The following DNAH17 variants were observed in gnomAD, a reference collection of about 807,000 sequenced individuals.
DNAH17 encodes the protein dynein axonemal heavy chain 17, also known as axonemal beta dynein heavy chain 17.
A neutral mutation model predicts 485.6 loss-of-function variants in DNAH17; 376 were observed. The ratio of observed to expected loss-of-function variants is 0.77; its 90% CI spans 0.71 to 0.84. The LOEUF is 0.84. DNAH17 is among the 40% of genes least tolerant of loss of function. DNAH17 has a pLI of 0.00. For missense variants in DNAH17, 6,370 were observed against 5,839.3 expected (o/e 1.09, Z -2.96); for synonymous variants, 3,031 against 2,405.9 (o/e 1.26, Z -7.60).
At chr17:78,557,428 G>A (rs950900) in intron 14 of DNAH17, among the ~76,000 whole-genome samples, 10,329 of 151,892 alleles carry the variant, frequency 0.068, 623 homozygotes, top group African/African-American at 0.16. Context: ...GACCAGCCTG[G>A]CCAATGTGGT....
At chr17:78,465,454 C>T (rs1296054870) in intron 56 of DNAH17, among the ~76,000 whole-genome samples, 3 of 146,426 alleles carry the variant, frequency 2.0e-5, no homozygotes, top group East Asian at 2.1e-4. Flanking sequence ...GGAGCGTCTC[C>T]GCCCGGCTGC....
chr17:78,461,412 G>A (rs1024371352), intron 58 of DNAH17, 132 bp downstream of exon 58: 53 of 1,013,666 alleles, frequency 5.2e-5, no homozygotes, highest in Non-Finnish European at 6.8e-5. Context: ...CACTGGTTTA[G>A]GAACCTTGTC....
chr17:78,550,143 G>A (rs895125691), intron 16 of DNAH17, among the ~76,000 whole-genome samples: 8 of 152,230 alleles, frequency 5.3e-5, no homozygotes, highest in East Asian at 3.8e-4. Flanking sequence ...GAGGAGGAGC[G>A]ACGTCATGCC....
At chr17:78,432,371 A>T (rs1258128338) in intron 75 of DNAH17, among the ~76,000 whole-genome samples, 1 of 111,306 alleles carries the variant, frequency 9.0e-6, no homozygotes, top group Non-Finnish European at 1.8e-5. Flanking sequence ...TCCGGCCGGC[A>T]CCCTGCCCCA....
chr17:78,494,650 G>T lies in DNAH17; in HGVS notation c.6213C>A (p.Ile2071=), dbSNP rs777016911. The change falls in exon 40 of 81, where the codon ATC becomes ATA. Residue 2071 remains isoleucine (I), a synonymous_variant. Transcript: ENST00000389840. The stretch of plus-strand genomic sequence containing the variant: ...CGTCCAGAGCCGGGAAGAGGTCCCC[G>T]ATCAGTCCCATGAATACGGGCAGGT... ...TDDLPVFMGL[I]GDLFPALDVP... The T allele has an allele frequency of 1.2e-6, 2 of 1,613,936 alleles. No individual in the cohort carries two copies. Among genetic ancestry groups the T allele is most frequent in the South Asian group, 1.1e-5 (1 of 91,084 alleles).
At chr17:78,482,565 G>C (rs943274054) in intron 48 of DNAH17, among the ~76,000 whole-genome samples, 1 of 152,072 alleles carries the variant, frequency 6.6e-6, no homozygotes, top group Non-Finnish European at 1.5e-5. Flanking sequence ...GTGTGCCTCT[G>C]AAACTTTTGC....
At chr17:78,541,377 G>GTGGATGGA (rs371016100) in intron 17 of DNAH17, among the ~76,000 whole-genome samples, 95 of 148,526 alleles carry the variant, frequency 6.4e-4, no homozygotes, top group South Asian at 5.8e-3. Flanking sequence ...AGATGTGTAA[G>GTGGATGGA]TGGATGGATG....
intron 58 of DNAH17, among the ~76,000 whole-genome samples, chr17:78,460,828 G>A (rs1403705741): frequency 5.3e-5 from 8 of 152,132 alleles, no homozygotes; most frequent in Non-Finnish European, 2.9e-5. Context: ...GTCTCAGAGT[G>A]TATAGCTCAC....
At chr17:78,510,003 G>A (rs1298923848) in intron 27 of DNAH17, among the ~76,000 whole-genome samples, 1 of 152,090 alleles carries the variant, frequency 6.6e-6, no homozygotes, top group Non-Finnish European at 1.5e-5. Flanking sequence ...CCAACATGGT[G>A]AAACCCCGCC....
intron 1 of DNAH17, among the ~76,000 whole-genome samples, chr17:78,576,206 C>T (rs891776563): frequency 2.0e-5 from 3 of 152,200 alleles, no homozygotes; most frequent in African/African-American, 7.2e-5. Context: ...AAGTTTGTAA[C>T]AGCCTACAGT....
At chr17:78,530,307 T>TCCTTGGG in intron 21 of DNAH17, 36 bp downstream of exon 21, 1 of 1,571,646 alleles carries the variant, frequency 6.4e-7, no homozygotes, top group Non-Finnish European at 8.7e-7. Context: ...CTCTGCACAT[T>TCCTTGGG]CCTTGGGCTC....
intron 25 of DNAH17, among the ~76,000 whole-genome samples, chr17:78,523,963 G>A (rs561964158): frequency 1.6e-4 from 24 of 152,338 alleles, no homozygotes; most frequent in Admixed American, 3.9e-4. Flanking sequence ...TCGTTAGTCA[G>A]TAGGAAATAC....
intron 25 of DNAH17, among the ~76,000 whole-genome samples, chr17:78,519,563 G>A (rs2090881654): frequency 6.6e-6 from 1 of 152,226 alleles, no homozygotes; most frequent in Non-Finnish European, 1.5e-5. Context: ...GATGAAGAGT[G>A]AAGACATAAG....
intron 25 of DNAH17, among the ~76,000 whole-genome samples, chr17:78,517,202 C>G (rs1248236386): frequency 6.6e-6 from 1 of 152,170 alleles, no homozygotes; most frequent in African/African-American, 2.4e-5. Flanking sequence ...GTCAACCTCA[C>G]CCAGCTAATT....
chr17:78,436,925 C>T, intron 74 of DNAH17, among the ~76,000 whole-genome samples: 1 of 152,242 alleles, frequency 6.6e-6, no homozygotes, highest in South Asian at 2.1e-4. Flanking sequence ...CTGGGGGAAG[C>T]CTTGAGGTCT....
At chr17:78,467,428 G>T (rs553388833) in intron 55 of DNAH17, among the ~76,000 whole-genome samples, 4 of 152,224 alleles carry the variant, frequency 2.6e-5, no homozygotes, top group African/African-American at 9.6e-5. Context: ...GCGTGATGAC[G>T]TGAGGGTGCA....
rs1471182229 is a variant in DNAH17 at position 78,494,788 on chromosome 17, C to G, written c.6075G>C (p.Lys2025Asn). ...DHYDWGLRAI[K>N]SVLVVAGSLK... ...GGGAGCCGGCCACCACCAGCACAGACTTGATGGCTCTCAGGCCCCAGTCGT... is the reference window on the plus strand; with the variant it reads ...GGGAGCCGGCCACCACCAGCACAGAGTTGATGGCTCTCAGGCCCCAGTCGT... Residue 2025 changes from lysine to asparagine, a missense_variant, in exon 40 of 81, where the codon AAG (lysine) becomes AAC (asparagine). Coordinates refer to ENST00000389840, the MANE Select transcript of DNAH17 (RefSeq NM_173628.4). The G allele has an allele frequency of 1.2e-6, 2 of 1,611,816 alleles. No homozygotes were observed. Among genetic ancestry groups the G allele is most frequent in the Admixed American group, 1.7e-5 (1 of 59,922 alleles).
At chr17:78,435,315 C>G (rs967918782) in intron 74 of DNAH17, among the ~76,000 whole-genome samples, 1 of 152,198 alleles carries the variant, frequency 6.6e-6, no homozygotes, top group African/African-American at 2.4e-5. Flanking sequence ...CCAGCCTACC[C>G]GCACTCAGGT....
intron 10 of DNAH17, 41 bp downstream of exon 10, chr17:78,566,958 C>G (rs1245186888): frequency 5.1e-6 from 8 of 1,578,622 alleles, no homozygotes; most frequent in East Asian, 2.2e-5. Context: ...TGGTGCTGTT[C>G]TCACCGAGTC....
Sources: gnomAD v4.1 joint callset for allele counts (sites outside exome capture counted in the v4.1 genomes callset) on GRCh38, gnomAD v4.1.1 for gene constraint, MANE v1.5 for transcripts, NCBI Gene and HGNC (gene_info 2026-07-23, HGNC 2026-07-21) for gene names.